The following GALNT16 variants were observed in gnomAD, a reference collection of about 807,000 sequenced individuals.
The protein encoded by GALNT16 is polypeptide N-acetylgalactosaminyltransferase 16.
A neutral mutation model predicts 76.1 loss-of-function variants in GALNT16; 40 were observed. The ratio of observed to expected loss-of-function variants is 0.53; its 90% CI spans 0.41 to 0.68. The LOEUF (loss-of-function observed/expected upper bound fraction) is 0.68, where lower values mean the gene tolerates loss of function less well. Ranked by LOEUF, GALNT16 falls within the 30% of genes least tolerant of loss-of-function variation. GALNT16 has a pLI of 0.00. For missense variants in GALNT16, 621 were observed against 731.9 expected (o/e 0.85, Z 1.75); for synonymous variants, 276 against 285.2 (o/e 0.97, Z 0.32).
At chr14:69,287,810 T>C (rs1290172858) in intron 1 of GALNT16, among the ~76,000 whole-genome samples, 3 of 152,208 alleles carry the variant, frequency 2.0e-5, no homozygotes, top group Non-Finnish European at 1.5e-5. Context: ...TTGGAAATGA[T>C]GCAGCTGCCT....
upstream of GALNT16, chr14:69,260,097 G>C: frequency 1.9e-6 from 1 of 517,636 alleles, no homozygotes; most frequent in Non-Finnish European, 3.5e-6. Flanking sequence ...AGGGCATTAG[G>C]ACCGTGAGGA....
At position 69,352,508 on chromosome 14, in the gene GALNT16, T is replaced by G; in HGVS notation, c.*340T>G. On this transcript the variant is annotated 3_prime_UTR_variant, in exon 15 of 15. Coordinates refer to ENST00000448469, the MANE Select transcript of GALNT16 (RefSeq NM_001168368.2). ...ACAATAGTGTGTGGTCTCTCCCTTG[T>G]TGCCCGGAGAAAGCAAGGACAGAAG... is the stretch of plus-strand genomic sequence containing the variant. The G allele has an allele frequency of 5.0e-6, 1 of 201,384 alleles. No homozygotes were observed. Among genetic ancestry groups the G allele is most frequent in the Non-Finnish European group, 1.0e-5 (1 of 99,878 alleles). 12.5% of individuals were successfully genotyped at this position (201,384 alleles called of 1,614,324 possible). A position where few individuals can be genotyped will look rare whatever the true frequency, so the allele number is the denominator to read the frequency against.
At chr14:69,278,115 T>C (rs1240732764) in intron 1 of GALNT16, among the ~76,000 whole-genome samples, 1 of 151,786 alleles carries the variant, frequency 6.6e-6, no homozygotes, top group Non-Finnish European at 1.5e-5. Context: ...CTCAAGTATC[T>C]ACCCACCTCA....
chr14:69,343,432 A>T lies in GALNT16; in HGVS notation c.1271+1668A>T, dbSNP rs145728311. ...TGAACAAGATTAAACTGACTCTAGG[A>T]GCAATTTCCAAGAAGTTCCAGAACA... On this transcript the variant is annotated intron_variant, in intron 12 of 14. Coordinates refer to ENST00000448469, the MANE Select transcript of GALNT16 (RefSeq NM_001168368.2). Among the ~76,000 whole-genome samples the T allele has an allele frequency of 3.3e-5, 5 of 152,368 alleles. No homozygotes were observed. The East Asian group carries it at 9.6e-4, about 29-fold the overall frequency.
chr14:69,338,539 G>A (rs187385915), intron 9 of GALNT16, 112 bp from the exon 10 acceptor site: 20 of 1,476,734 alleles, frequency 1.4e-5, no homozygotes, highest in African/African-American at 1.1e-4. Context: ...CAGGAGCCCC[G>A]ACCCCAACAT....
the GALNT16 span, among the ~76,000 whole-genome samples, chr14:69,377,779 C>A: frequency 8.7e-6 from 1 of 114,518 alleles, no homozygotes; most frequent in Non-Finnish European, 1.6e-5. Flanking sequence ...TGCACTACAG[C>A]CTGGGTGATA....
the GALNT16 span, among the ~76,000 whole-genome samples, chr14:69,377,357 T>C: frequency 6.6e-6 from 1 of 152,190 alleles, no homozygotes; most frequent in Admixed American, 6.5e-5. Flanking sequence ...AAATTTTTAT[T>C]TTTATTTTTA....
rs773790236 is a variant in GALNT16, at chr14:69,288,866, C to A, written c.177+28399C>A. On this transcript the variant is annotated intron_variant, in intron 1 of 14. Transcript: ENST00000448469. ...GTGTTGGCATGGGCTGTCATCCTAG[C>A]GAGTGGATAGAAGTCTTCTTTTTTT... Among the ~76,000 whole-genome samples, 3 of 152,006 alleles carry A rather than the reference C, an allele frequency of 2.0e-5. No individual in the cohort carries two copies. The South Asian group carries it at 6.2e-4, about 32-fold the overall frequency.
intron 1 of GALNT16, among the ~76,000 whole-genome samples, chr14:69,265,050 A>C (rs1566856857): frequency 6.6e-6 from 1 of 152,054 alleles, no homozygotes; most frequent in South Asian, 2.1e-4. Flanking sequence ...TCTGGACTCA[A>C]GGGGATCCTC....
At chr14:69,380,139 G>C in the GALNT16 span, 3 of 155,096 alleles carry the variant, frequency 1.9e-5, no homozygotes, top group African/African-American at 7.3e-5. Flanking sequence ...ATAACTAAAG[G>C]ACATTTATTT....
intron 1 of GALNT16, among the ~76,000 whole-genome samples, chr14:69,274,416 T>A (rs2044445327): frequency 6.6e-6 from 1 of 152,200 alleles, no homozygotes; most frequent in Non-Finnish European, 1.5e-5. Flanking sequence ...GTGGCTTGGC[T>A]AAATGGTTCT....
At chr14:69,294,875 C>T (rs1482610162) in intron 1 of GALNT16, among the ~76,000 whole-genome samples, 1 of 152,092 alleles carries the variant, frequency 6.6e-6, no homozygotes. Context: ...CAGGACACCG[C>T]GCTGGCTCAC....
the GALNT16 span, among the ~76,000 whole-genome samples, chr14:69,376,957 T>G: frequency 1.4e-4 from 21 of 152,294 alleles, no homozygotes; most frequent in Middle Eastern, 6.8e-3. Flanking sequence ...GGGTAGCTCT[T>G]GCACTTACCT....
chr14:69,298,408 G>GT (rs1410262576), intron 1 of GALNT16: 1 of 152,370 alleles, frequency 6.6e-6, no homozygotes, highest in Non-Finnish European at 1.5e-5. Flanking sequence ...ACAAGAAGGT[G>GT]TGGGAACCCC....
At chr14:69,335,396 C>A (rs1046397103) in intron 9 of GALNT16, among the ~76,000 whole-genome samples, 1 of 152,186 alleles carries the variant, frequency 6.6e-6, no homozygotes, top group Non-Finnish European at 1.5e-5. Flanking sequence ...TGTTTTGGGT[C>A]CAAGTGACCC....
chr14:69,271,695 G>A (rs1040669177), intron 1 of GALNT16, among the ~76,000 whole-genome samples: 1 of 152,228 alleles, frequency 6.6e-6, no homozygotes, highest in African/African-American at 2.4e-5. Context: ...ACTCATTTTA[G>A]TTGTGGGGAA....
At chr14:69,266,031 AC>A (rs2044338486) in intron 1 of GALNT16, among the ~76,000 whole-genome samples, 1 of 152,170 alleles carries the variant, frequency 6.6e-6, no homozygotes, top group Non-Finnish European at 1.5e-5. Context: ...ATACGAGTAA[AC>A]ACGCTTACTC....
At position 69,320,736 on chromosome 14, in the gene GALNT16, T is replaced by G; in HGVS notation, c.203T>G (p.Phe68Cys). The change falls in exon 2 of 15, where the codon TTT (phenylalanine) becomes TGT (cysteine). Residue 68 changes from phenylalanine (F) to cysteine (C), a missense_variant. By Grantham distance (205) the Phe-to-Cys change is radical. Transcript: ENST00000448469. ...LIVTGTPSKG[F>C]DEKAYLSAKQ... ...GTGACAGGAACTCCCTCGAAAGGCT[T>G]TGATGAGAAGGCCTACCTGTCGGCC... 2 of 1,614,090 alleles carry G rather than the reference T, an allele frequency of 1.2e-6. No homozygotes were observed. Among genetic ancestry groups the G allele is most frequent in the Non-Finnish European group, 1.7e-6 (2 of 1,179,994 alleles).
intron 1 of GALNT16, among the ~76,000 whole-genome samples, chr14:69,290,291 G>T (rs1361005828): frequency 2.0e-5 from 3 of 152,194 alleles, no homozygotes; most frequent in African/African-American, 7.2e-5. Context: ...ACCGAATATG[G>T]TGTTCCCAGG....
Sources: allele counts gnomAD v4.1 joint callset (sites outside exome capture counted in the v4.1 genomes callset), GRCh38; gene constraint gnomAD v4.1.1; transcripts MANE v1.5; gene names NCBI Gene and HGNC (gene_info 2026-07-23, HGNC 2026-07-21).